The following MCOLN2 variants were observed in gnomAD, a reference collection of about 807,000 sequenced individuals.
The protein encoded by MCOLN2 is mucolipin TRP cation channel 2.
Under a neutral mutation model 67.5 loss-of-function variants are expected in MCOLN2, and 57 were observed. The ratio of observed to expected loss-of-function variants is 0.84; its 90% CI spans 0.68 to 1.05. MCOLN2 has a LOEUF of 1.05. Ranked by LOEUF, MCOLN2 falls within the 50% of genes least tolerant of loss-of-function variation. The pLI is 0.00. For synonymous variants in MCOLN2, 246 were observed against 233.3 expected (o/e 1.05, Z -0.50); for missense variants, 620 against 678.8 (o/e 0.91, Z 0.96).
At chr1:84,993,127 A>G (rs932297904) in intron 1 of MCOLN2, among the ~76,000 whole-genome samples, 3 of 152,220 alleles carry the variant, frequency 2.0e-5, no homozygotes, top group Non-Finnish European at 4.4e-5. Context: ...CATTTCAACA[A>G]TGTTCATAGC....
chr1:84,962,572 T>A (rs1426714380), intron 2 of MCOLN2, among the ~76,000 whole-genome samples: 2 of 152,002 alleles, frequency 1.3e-5, no homozygotes, highest in Non-Finnish European at 2.9e-5. Context: ...AAATTAGTCA[T>A]GTAGACAGGA....
rs575724194 is a variant in MCOLN2, at chr1:84,993,691, C to T, written c.77+3105G>A. On this transcript the variant is annotated intron_variant, in intron 1 of 13. Coordinates refer to ENST00000370608, the MANE Select transcript of MCOLN2 (RefSeq NM_153259.4). ...CAGGCCGGACTGCGGACTGCAGTGG[C>T]GCAATCTCGGCTCACTGCAAGCTCC... is the stretch of plus-strand genomic sequence containing the variant. Among the ~76,000 whole-genome samples the T allele has an allele frequency of 1.5e-4, 21 of 144,202 alleles. No individual in the cohort carries two copies. The South Asian group carries it at 3.5e-3, about 24-fold the overall frequency. The allele number at this position is 144,202 out of a possible 152,430, so 94.6% of individuals were successfully genotyped here.
chr1:84,962,182 T>C (rs1034837374), intron 2 of MCOLN2, among the ~76,000 whole-genome samples: 4 of 152,218 alleles, frequency 2.6e-5, no homozygotes, highest in Admixed American at 2.6e-4. Context: ...TTCCCAATTT[T>C]ATTAGGGGAA....
At chr1:84,940,783 C>CA in intron 8 of MCOLN2, 96 bp downstream of exon 8, 1 of 723,470 alleles carries the variant, frequency 1.4e-6, no homozygotes, top group South Asian at 1.9e-5. Context: ...CAAAGGTCTC[C>CA]AAAAAAGGCA....
intron 11 of MCOLN2, among the ~76,000 whole-genome samples, chr1:84,935,191 T>C (rs1197483102): frequency 6.6e-6 from 1 of 152,162 alleles, no homozygotes; most frequent in Non-Finnish European, 1.5e-5. Context: ...ATATTCTAAC[T>C]TCAGATTCAA....
intron 1 of MCOLN2, among the ~76,000 whole-genome samples, chr1:84,966,980 A>G (rs1649412046): frequency 6.6e-6 from 1 of 152,252 alleles, no homozygotes; most frequent in Admixed American, 6.5e-5. Flanking sequence ...ATAACAAAGA[A>G]TATACATTAT....
At chr1:84,967,740 GGAGGGAGGGAGGGAAGGAGAAAAAGGAGA>G (rs765194614) in intron 1 of MCOLN2, among the ~76,000 whole-genome samples, 3,590 of 132,778 alleles carry the variant, frequency 0.027, 79 homozygotes, top group East Asian at 0.11. Flanking sequence ...AAGGAGAGAG[GGAGGGAGGGAGGGAAGGAGAAAAAGGAGA>G]GAGGGAGGGA....
At chr1:84,976,118 T>G (rs990328352) in intron 1 of MCOLN2, among the ~76,000 whole-genome samples, 2 of 152,102 alleles carry the variant, frequency 1.3e-5, no homozygotes, top group African/African-American at 4.8e-5. Flanking sequence ...TAGAAAGTTA[T>G]TCAAAGGGAA....
At chr1:84,952,141 T>G (rs1484349464) in intron 6 of MCOLN2, 102 bp downstream of exon 6, 2 of 709,344 alleles carry the variant, frequency 2.8e-6, no homozygotes, top group Admixed American at 5.5e-5. Context: ...TAAACATGAC[T>G]GCATTTAACA....
chr1:84,946,762 T>C (rs998464065), intron 7 of MCOLN2, among the ~76,000 whole-genome samples: 4 of 152,180 alleles, frequency 2.6e-5, no homozygotes, highest in African/African-American at 9.7e-5. Flanking sequence ...ACAGGCACAG[T>C]AAACAGAACT....
chr1:84,973,439 C>T (rs1389103331), intron 1 of MCOLN2, among the ~76,000 whole-genome samples: 1 of 152,142 alleles, frequency 6.6e-6, no homozygotes, highest in Non-Finnish European at 1.5e-5. Context: ...GATTTTGCCA[C>T]TGCACTCCAG....
At chr1:84,943,424 T>C (rs1458082621) in intron 7 of MCOLN2, among the ~76,000 whole-genome samples, 1 of 151,116 alleles carries the variant, frequency 6.6e-6, no homozygotes, top group African/African-American at 2.4e-5. Flanking sequence ...GGGAGCAATG[T>C]TTGAGAATTA....
In MCOLN2 at chr1:84,996,922, C is replaced by T. The variant is rs1186806554; in HGVS notation, c.-50G>A. 2 of 1,521,126 alleles carry T rather than the reference C, an allele frequency of 1.3e-6. No individual in the cohort carries two copies. The highest frequency in any genetic ancestry group is 1.8e-6 in the Non-Finnish European group (2 of 1,096,124). The allele number at this position is 1,521,126 out of a possible 1,614,324, so 94.2% of individuals were successfully genotyped here. A position where few individuals can be genotyped will look rare whatever the true frequency, so the allele number is the denominator to read the frequency against. On this transcript the variant is annotated 5_prime_UTR_variant, in exon 1 of 14. Coordinates refer to ENST00000370608, the MANE Select transcript of MCOLN2 (RefSeq NM_153259.4). ...GGCTCTCGGGATTCGGAACAGGAAA[C>T]ACCGTTCACGGCCGACTCATTTCGC...
At chr1:84,972,177 T>A (rs1649725666) in intron 1 of MCOLN2, 1 of 152,098 alleles carries the variant, frequency 6.6e-6, no homozygotes, top group African/African-American at 2.4e-5. Flanking sequence ...TGTGGTAACA[T>A]AAGTCAGGAG....
At chr1:84,946,581 C>T (rs1448384127) in intron 7 of MCOLN2, among the ~76,000 whole-genome samples, 1 of 152,186 alleles carries the variant, frequency 6.6e-6, no homozygotes, top group Non-Finnish European at 1.5e-5. Context: ...ATCCAAAATG[C>T]TCCAATAAGC....
intron 11 of MCOLN2, among the ~76,000 whole-genome samples, chr1:84,935,408 T>A (rs1348929272): frequency 6.6e-6 from 1 of 152,130 alleles, no homozygotes; most frequent in Non-Finnish European, 1.5e-5. Context: ...AAAGGAAAGC[T>A]AACATTAAGT....
In MCOLN2 at chr1:84,940,772, T is replaced by C. The variant is rs1647722777; in HGVS notation, c.960+107A>G. The C allele has an allele frequency of 1.0e-5, 7 of 669,960 alleles. No individual in the cohort carries two copies. The South Asian group carries it at 1.4e-4, about 13-fold the overall frequency. 41.5% of individuals were successfully genotyped at this position (669,960 alleles called of 1,614,324 possible). On this transcript the variant is annotated intron_variant, in intron 8 of 13. Transcript: ENST00000370608. The stretch of plus-strand genomic sequence containing the variant: ...AACTACTCAAAGGAATCTGATTTAG[T>C]CAAAGGTCTCCAAAAAAGGCAGGTG...
intron 8 of MCOLN2, among the ~76,000 whole-genome samples, chr1:84,940,480 C>A (rs1260563040): frequency 1.3e-5 from 2 of 152,100 alleles, no homozygotes; most frequent in Non-Finnish European, 2.9e-5. Flanking sequence ...CATTATAATC[C>A]ATTTACCATG....
chr1:84,991,152 A>G (rs747701450), intron 1 of MCOLN2, among the ~76,000 whole-genome samples: 2 of 152,090 alleles, frequency 1.3e-5, no homozygotes, highest in African/African-American at 4.8e-5. Context: ...GGCCATTTCA[A>G]AAAGAAAGAG....
Sources: allele counts gnomAD v4.1 joint callset (sites outside exome capture counted in the v4.1 genomes callset), GRCh38; gene constraint gnomAD v4.1.1; transcripts MANE v1.5; gene names NCBI Gene and HGNC (gene_info 2026-07-23, HGNC 2026-07-21).